Variants in MCF2 observed in about 807,000 individuals in gnomAD.
The protein encoded by MCF2 is proto-oncogene DBL.
MCF2 carries 44 observed loss-of-function variants against 82.5 expected under a neutral mutation model. That is an observed-to-expected ratio of 0.53 (90% confidence interval 0.42 to 0.69). The LOEUF (loss-of-function observed/expected upper bound fraction) is 0.69. MCF2 is among the 30% of genes least tolerant of loss of function. The probability of loss-of-function intolerance (pLI) is 0.00; values close to 1 mark genes in which losing one functional copy is unlikely to be tolerated. For missense variants in MCF2, 623 were observed against 663.1 expected (o/e 0.94, Z 0.66); for synonymous variants, 217 against 224.9 (o/e 0.96, Z 0.32).
intron 6 of MCF2, among the ~76,000 whole-genome samples, chrX:139,624,935 A>G (rs764701009): frequency 1.5e-4 from 17 of 111,412 alleles, no homozygotes; most frequent in Non-Finnish European, 2.3e-4. Context: ...ATCTGTATAT[A>G]TATGAGGGAG....
At chrX:139,654,979 T>C (rs1934148672) in intron 1 of MCF2, among the ~76,000 whole-genome samples, 3 of 112,064 alleles carry the variant, frequency 2.7e-5, no homozygotes, top group African/African-American at 9.7e-5. Context: ...ATCTGGGTTC[T>C]CTATTCTGTT....
At chrX:139,595,646 G>T (rs1930010595) in intron 19 of MCF2, among the ~76,000 whole-genome samples, 1 of 106,688 alleles carries the variant, frequency 9.4e-6, no homozygotes, top group African/African-American at 3.4e-5. Flanking sequence ...GTTAATGGGT[G>T]CAGCACACCA....
rs913411449 is a variant in MCF2 at position 139,587,734 on chromosome X, G to T, written c.2504C>A (p.Ser835Tyr). Residue 835 changes from serine to tyrosine, a missense_variant, in exon 22 of 25, where the codon TCT becomes TAT. Transcript: ENST00000370576. ...CACTTACTCATCATTCTGCTGAAGA[G>T]AAATCTGAAACTTATCCCGTTCTGT... The T allele has an allele frequency of 1.4e-5, 17 of 1,189,594 alleles. No individual in the cohort carries two copies. In the African/African-American group the frequency reaches 3.0e-4, roughly 21 times the overall value.
chrX:139,674,159 C>A (rs1380202789), intron 1 of MCF2, among the ~76,000 whole-genome samples: 1 of 108,475 alleles, frequency 9.2e-6, no homozygotes, highest in Admixed American at 9.7e-5. Flanking sequence ...TTTTCTTTTG[C>A]TTTCTATTTG....
chrX:139,700,826 T>C (rs1935478726), intron 1 of MCF2, among the ~76,000 whole-genome samples: 1 of 112,109 alleles, frequency 8.9e-6, no homozygotes, highest in East Asian at 2.8e-4. Flanking sequence ...CATGAGTAAA[T>C]GTTCAGGGAA....
In MCF2 at chrX:139,605,775, C is replaced by T. The variant is rs759504777; in HGVS notation, c.1495G>A (p.Val499Ile). The change falls in exon 13 of 25, where the codon GTA (valine) becomes ATA (isoleucine). Residue 499 changes from valine to isoleucine, a missense_variant. Coordinates refer to ENST00000370576, the Ensembl canonical transcript of MCF2. ...TCAGTCTGTATCAGTTCATTTAGTA[C>T]GTGGCTAAAATGAAAAGACCATATT... 2.5e-6 allele frequency: 3 copies of T among 1,179,886 alleles called. No homozygotes were observed. The South Asian group carries it at 5.7e-5, about 22-fold the overall frequency.
intron 1 of MCF2, among the ~76,000 whole-genome samples, chrX:139,665,190 C>T (rs920076732): frequency 6.3e-5 from 7 of 111,438 alleles, no homozygotes; most frequent in Non-Finnish European, 1.3e-4. Context: ...GCTGGTGTCT[C>T]AGTAAAGTCA....
intron 4 of MCF2, among the ~76,000 whole-genome samples, chrX:139,627,214 G>T (rs140930047): frequency 2.7e-5 from 3 of 112,108 alleles, no homozygotes; most frequent in Non-Finnish European, 5.6e-5. Context: ...CAACAAATAT[G>T]TACCACTGCA....
At chrX:139,603,708 A>G (rs1381740308) in intron 15 of MCF2, among the ~76,000 whole-genome samples, 10 of 110,527 alleles carry the variant, frequency 9.0e-5, no homozygotes, top group Non-Finnish European at 1.7e-4. Context: ...GGTGGTGGGC[A>G]CCTGTAGTCC....
chrX:139,689,268 A>G (rs1306809133), intron 1 of MCF2, among the ~76,000 whole-genome samples: 5 of 111,795 alleles, frequency 4.5e-5, no homozygotes, highest in Non-Finnish European at 7.5e-5. Flanking sequence ...CCTCCACACA[A>G]CTTGGATGAT....
intron 1 of MCF2, among the ~76,000 whole-genome samples, chrX:139,665,664 C>G (rs1028668451): frequency 1.8e-5 from 2 of 108,956 alleles, no homozygotes; most frequent in African/African-American, 6.7e-5. Flanking sequence ...ATTTTTGGTT[C>G]TTATGAGGTG....
chrX:139,593,215 CTG>C (rs1929679276), intron 19 of MCF2, among the ~76,000 whole-genome samples: 2 of 111,532 alleles, frequency 1.8e-5, no homozygotes, highest in Admixed American at 9.5e-5. Flanking sequence ...GTTTGTATTT[CTG>C]TGGGATTGGT....
intron 7 of MCF2, 62 bp from the exon 11 acceptor site, chrX:139,617,766 G>A (rs1932031166): frequency 7.0e-6 from 5 of 718,328 alleles, no homozygotes. Context: ...GAGAAAAAAA[G>A]AAGAAAATAA....
At chrX:139,665,051 T>C (rs1934470723) in intron 1 of MCF2, among the ~76,000 whole-genome samples, 1 of 111,277 alleles carries the variant, frequency 9.0e-6, no homozygotes, top group African/African-American at 3.3e-5. Flanking sequence ...ACCCAAGATA[T>C]AAGACAAAAG....
intron 10 of MCF2, among the ~76,000 whole-genome samples, chrX:139,611,008 T>C (rs1931453719): frequency 8.9e-6 from 1 of 112,376 alleles, no homozygotes; most frequent in Admixed American, 9.5e-5. Context: ...AACTTTCATC[T>C]TTATTTTTTA....
intron 1 of MCF2, among the ~76,000 whole-genome samples, chrX:139,675,682 T>C (rs1934844405): frequency 8.9e-6 from 1 of 111,774 alleles, no homozygotes; most frequent in African/African-American, 3.3e-5. Flanking sequence ...TGCCTGATCC[T>C]TCCTCCGGAA....
intron 1 of MCF2, among the ~76,000 whole-genome samples, chrX:139,665,897 GTATATATATATATA>G (rs761065038): frequency 1.2e-4 from 8 of 68,555 alleles, no homozygotes; most frequent in Non-Finnish European, 2.0e-4. Flanking sequence ...AGGTGTGTGT[GTATATATATATATA>G]TATATATATA....
At chrX:139,613,738 T>A (rs1331003488) in intron 10 of MCF2, among the ~76,000 whole-genome samples, 2 of 111,328 alleles carry the variant, frequency 1.8e-5, no homozygotes, top group Non-Finnish European at 3.8e-5. Context: ...TTTATCCCCT[T>A]ACTGTTTTTT....
exon 25 of MCF2, chrX:139,581,813 A>G (rs1372267577): frequency 8.9e-6 from 1 of 112,463 alleles, no homozygotes; most frequent in Non-Finnish European, 1.9e-5. Flanking sequence ...GAATTACAAC[A>G]TGAAATATAC....
Sources: allele counts gnomAD v4.1 joint callset (sites outside exome capture counted in the v4.1 genomes callset), GRCh38; gene constraint gnomAD v4.1.1; transcripts MANE v1.5; gene names NCBI Gene and HGNC (gene_info 2026-07-23, HGNC 2026-07-21).